STIL: variants seen among roughly 807,000 people sequenced by gnomAD.
The protein encoded by STIL is STIL centriolar assembly protein, also known as SCL-interrupting locus protein.
STIL carries 55 observed loss-of-function variants against 110.1 expected under a neutral mutation model. The ratio of observed to expected loss-of-function variants is 0.50; its 90% confidence interval spans 0.40 to 0.63. STIL has a LOEUF of 0.63. STIL is among the 20% of genes least tolerant of loss of function. The pLI is 0.00. For missense variants in STIL, 1,358 were observed against 1,530.0 expected, an observed-to-expected ratio of 0.89 and a Z score of 1.87; for synonymous variants, 481 against 530.0, an observed-to-expected ratio of 0.91 and a Z score of 1.27.
chr1:47,288,604 C>T (rs1645377215), intron 9 of STIL, among the ~76,000 whole-genome samples: 1 of 151,822 alleles, frequency 6.6e-6, no homozygotes. Context: ...GCCTAAAGAT[C>T]TACTTTTTCT....
At position 47,310,313 on chromosome 1, in the gene STIL, G is replaced by A; in HGVS notation, c.7C>T (p.Pro3Ser). Reference protein sequence around the residue: MEPIYPFARPQMN... With the variant: MESIYPFARPQMN... Reference sequence around the variant, plus strand: ...TGGGGCCGTGCAAAAGGATATATAGGCTCCATGATGTCTGGTGAATGATTT... The same window carrying A: ...TGGGGCCGTGCAAAAGGATATATAGACTCCATGATGTCTGGTGAATGATTT... Residue 3 changes from proline to serine, a missense_variant, in exon 2 of 17, where the codon CCT (proline) becomes TCT (serine). By Grantham distance (74) the Pro-to-Ser change is moderately conservative (BLOSUM62 -1). Transcript: ENST00000371877. 1 of 1,612,754 alleles carries A rather than the reference G, an allele frequency of 6.2e-7. No individual in the cohort carries two copies. Among genetic ancestry groups the A allele is most frequent in the Admixed American group, 1.7e-5 (1 of 59,984 alleles).
Position 47,269,802 on chromosome 1 carries a change from ATCT to A in STIL, c.2445_2447del (p.Gln815_Asp816delinsHis). 1 of 1,614,206 alleles carries A rather than the reference ATCT, an allele frequency of 6.2e-7. No individual in the cohort carries two copies. The highest frequency in any genetic ancestry group is 8.5e-7 in the Non-Finnish European group (1 of 1,180,042). On this transcript the variant is annotated inframe_deletion, in exon 14 of 17. Transcript: ENST00000371877. The stretch of plus-strand genomic sequence containing the variant: ...TGTCCTCACTGGAAATTTTGGTATC[ATCT>A]TGCTTCATTTGAGAGTCAGGCTCTT...
intron 2 of STIL, among the ~76,000 whole-genome samples, chr1:47,307,631 T>C (rs1646000104): frequency 6.6e-6 from 1 of 152,086 alleles, no homozygotes; most frequent in Non-Finnish European, 1.5e-5. Context: ...GTACAGCATG[T>C]GTGTTTGAGC....
intron 8 of STIL, 144 bp downstream of exon 8, chr1:47,293,314 A>G (rs955664595): frequency 1.3e-5 from 8 of 624,898 alleles, no homozygotes; most frequent in African/African-American, 3.7e-5. Flanking sequence ...CTCATTTAAT[A>G]TAAGGTTTGT....
At chr1:47,308,357 G>A (rs997321321) in intron 2 of STIL, among the ~76,000 whole-genome samples, 3 of 150,344 alleles carry the variant, frequency 2.0e-5, no homozygotes, top group East Asian at 1.9e-4. Flanking sequence ...AAGAACCTAC[G>A]TGATTATCGG....
intron 10 of STIL, chr1:47,284,021 C>T (rs537022436): frequency 6.6e-6 from 1 of 152,264 alleles, no homozygotes; most frequent in Non-Finnish European, 1.5e-5. Context: ...GCCTCAGCGT[C>T]CGAGGAGCTC....
intron 15 of STIL, among the ~76,000 whole-genome samples, chr1:47,261,887 G>A (rs1489863659): frequency 4.6e-5 from 7 of 151,372 alleles, no homozygotes; most frequent in African/African-American, 1.7e-4. Context: ...ACTCTAGCCT[G>A]GGTGACAGAG....
chr1:47,303,016 T>C (rs1311823085), intron 3 of STIL, among the ~76,000 whole-genome samples: 1 of 152,152 alleles, frequency 6.6e-6, no homozygotes, highest in Non-Finnish European at 1.5e-5. Flanking sequence ...TATAGTATGA[T>C]TTAAATGCTT....
At chr1:47,266,749 A>T (rs1644665761) in intron 14 of STIL, among the ~76,000 whole-genome samples, 1 of 152,218 alleles carries the variant, frequency 6.6e-6, no homozygotes, top group Non-Finnish European at 1.5e-5. Flanking sequence ...TTTATTAATC[A>T]GTTAGTATCT....
At chr1:47,285,020 C>CT (rs35801422) in intron 10 of STIL, among the ~76,000 whole-genome samples, 50,138 of 134,554 alleles carry the variant, frequency 0.37, 11,354 homozygotes, top group African/African-American at 0.62. Context: ...CATTTTTTGT[C>CT]TTTTTTTTTT....
intron 1 of STIL, among the ~76,000 whole-genome samples, chr1:47,310,995 G>A (rs1315113933): frequency 6.6e-6 from 1 of 151,946 alleles, no homozygotes; most frequent in Non-Finnish European, 1.5e-5. Flanking sequence ...CTGCAGGTGC[G>A]CACCACCATG....
intron 15 of STIL, among the ~76,000 whole-genome samples, chr1:47,261,261 A>G (rs141030836): frequency 0.023 from 3,505 of 151,580 alleles, 138 homozygotes; most frequent in African/African-American, 0.079. Context: ...GGTGGCACGT[A>G]CCTGTGGTCC....
intron 16 of STIL, among the ~76,000 whole-genome samples, chr1:47,259,035 G>A (rs1644403266): frequency 1.3e-5 from 1 of 79,276 alleles, no homozygotes; most frequent in Non-Finnish European, 2.4e-5. Flanking sequence ...TATCCAAGCT[G>A]GAGTGCAGTG....
At position 47,251,522 on chromosome 1, in the gene STIL, T is replaced by A; in HGVS notation, c.3481A>T (p.Ile1161Leu). 1.2e-6 allele frequency: 2 copies of A among 1,614,244 alleles called. No individual in the cohort carries two copies. Among genetic ancestry groups the A allele is most frequent in the Non-Finnish European group, 1.7e-6 (2 of 1,180,042 alleles). ...TTCTGACCACCAAGCTGTTCAGGTA[T>A]GGACCTAAGGTTCTGATTCAATAAA... ...EYLLNQNLRS[I>L]PEQLGGQKEP... Residue 1161 changes from isoleucine (I) to leucine (L), a missense_variant, in exon 17 of 17, where the codon ATA (isoleucine) becomes TTA (leucine). By Grantham distance (5) the Ile-to-Leu change is conservative. Coordinates refer to ENST00000371877, the MANE Select transcript of STIL (RefSeq NM_001048166.1).
chr1:47,306,641 AATT>A (rs1444300007), intron 2 of STIL, among the ~76,000 whole-genome samples: 1 of 152,216 alleles, frequency 6.6e-6, no homozygotes, highest in African/African-American at 2.4e-5. Flanking sequence ...ATAAATTCTT[AATT>A]ATTTTCCAGT....
chr1:47,262,001 G>A (rs984097398), intron 15 of STIL, among the ~76,000 whole-genome samples: 4 of 151,758 alleles, frequency 2.6e-5, no homozygotes, highest in Admixed American at 6.6e-5. Context: ...TAATGCTTTC[G>A]TTTGCAAAGT....
chr1:47,276,834 A>C (rs982163278), intron 12 of STIL, among the ~76,000 whole-genome samples: 36 of 151,412 alleles, frequency 2.4e-4, no homozygotes, highest in Admixed American at 4.6e-4. Flanking sequence ...AAAAAAAAAA[A>C]AAAAACCATC....
chr1:47,252,823 A>ACACACG (rs754913000), intron 16 of STIL, among the ~76,000 whole-genome samples: 1 of 145,136 alleles, frequency 6.9e-6, no homozygotes, highest in Non-Finnish European at 1.5e-5. Flanking sequence ...ACACACACAC[A>ACACACG]CGAATACTTT....
chr1:47,280,710 C>A lies in STIL; in HGVS notation c.1748G>T (p.Arg583Ile), dbSNP rs759738854. The part of the protein sequence containing the change: ...DFVFSPHNSG[R>I]PMELQIPTPP... ...AGTAGGTATCTGAAGTTCCATTGGT[C>A]TTCCTGAATTATGGGGTGAAAAAAC... Residue 583 changes from arginine to isoleucine, a missense_variant, in exon 12 of 17, where the codon AGA becomes ATA. Transcript: ENST00000371877. The A allele has an allele frequency of 1.2e-6, 2 of 1,614,042 alleles. No individual in the cohort carries two copies. Among genetic ancestry groups the A allele is most frequent in the African/African-American group, 2.7e-5 (2 of 74,922 alleles).
Sources: gnomAD v4.1 joint callset for allele counts (sites outside exome capture counted in the v4.1 genomes callset) on GRCh38, gnomAD v4.1.1 for gene constraint, MANE v1.5 for transcripts, NCBI Gene and HGNC (gene_info 2026-07-23, HGNC 2026-07-21) for gene names.